DLG5: variants seen among roughly 807,000 people sequenced by gnomAD.
DLG5 encodes the protein discs large MAGUK scaffold protein 5.
A neutral mutation model predicts 189.8 loss-of-function variants in DLG5; 48 were observed. The ratio of observed to expected loss-of-function variants is 0.25; its 90% CI spans 0.20 to 0.32. The LOEUF is 0.32. Among genes scored for constraint, DLG5 ranks in the 10% least tolerant of loss-of-function variants. The pLI, the probability that DLG5 is intolerant of heterozygous loss-of-function variation, is 1.00. For missense variants in DLG5, 2,160 were observed against 2,544.7 expected (o/e 0.85, Z 3.25); for synonymous variants, 1,016 against 1,054.1 (o/e 0.96, Z 0.70).
chr10:77,926,257 C>G lies in DLG5; in HGVS notation c.264G>C (p.Leu88=). 3 of 1,558,248 alleles carry G rather than the reference C, an allele frequency of 1.9e-6. No individual in the cohort carries two copies. The highest frequency in any genetic ancestry group is 1.2e-5 in the South Asian group (1 of 83,648). ...TQPHLLPILY[L]NGVVGPPQPA... ...GCTGCGGCGGCCCGACGACGCCGTT[C>G]AGGTAGAGAATGGGCAGCAGGTGAG... The change falls in exon 1 of 32, where the codon CTG becomes CTC. Residue 88 remains leucine (L), a synonymous_variant. Transcript: ENST00000372391. The surrounding 1 kb of genome is among the most constrained non-coding windows in gnomAD (Gnocchi z 5.2).
chr10:77,864,228 T>A (rs574457146), intron 2 of DLG5, among the ~76,000 whole-genome samples: 3 of 152,304 alleles, frequency 2.0e-5, no homozygotes, highest in East Asian at 1.9e-4. Flanking sequence ...TGGAGGCGCA[T>A]CCTTGGTCTT....
chr10:77,894,358 C>G (rs1845696575), intron 1 of DLG5, among the ~76,000 whole-genome samples: 1 of 152,102 alleles, frequency 6.6e-6, no homozygotes, highest in Non-Finnish European at 1.5e-5. Context: ...ACCCACCTCC[C>G]AGGATTTTTG....
intron 1 of DLG5, among the ~76,000 whole-genome samples, chr10:77,902,084 T>C (rs552847844): frequency 2.6e-5 from 4 of 152,282 alleles, no homozygotes; most frequent in South Asian, 4.1e-4. Context: ...AGCTCTCCCT[T>C]AGAGGGAACA....
chr10:77,805,753 T>A lies in DLG5; in HGVS notation c.5076A>T (p.Lys1692Asn). The A allele has an allele frequency of 6.2e-7, 1 of 1,614,118 alleles. No individual in the cohort carries two copies. Among genetic ancestry groups the A allele is most frequent in the Middle Eastern group, 1.6e-4 (1 of 6,062 alleles). Reference protein sequence around the residue: ...AAARRSFFRRKHKHKRSGSKD... With the variant: ...AAARRSFFRRNHKHKRSGSKD... The stretch of plus-strand genomic sequence containing the variant: ...TGGACCCGCTGCGTTTGTGCTTGTG[T>A]TTCCTCCGAAAAAAGGACCGGCGTG... The change falls in exon 27 of 32, where the codon AAA (lysine) becomes AAT (asparagine). Residue 1692 changes from lysine (K) to asparagine (N), a missense_variant. This residue lies in a region of DLG5 where 574 missense variants were observed against 644.2 expected (regional missense o/e 0.89). Coordinates refer to ENST00000372391, the MANE Select transcript of DLG5 (RefSeq NM_004747.4).
At chr10:77,869,559 G>T in intron 1 of DLG5, 1 of 294,804 alleles carries the variant, frequency 3.4e-6, no homozygotes, top group Non-Finnish European at 6.4e-6. Context: ...ATATGATTCT[G>T]GCTTCCATGC....
intron 2 of DLG5, among the ~76,000 whole-genome samples, chr10:77,859,402 A>G (rs1460936862): frequency 6.6e-6 from 1 of 152,174 alleles, no homozygotes; most frequent in African/African-American, 2.4e-5. Flanking sequence ...TCACTCACTG[A>G]CTTACCCAGA....
intron 20 of DLG5, among the ~76,000 whole-genome samples, chr10:77,814,465 A>T (rs1257255985): frequency 1.3e-4 from 5 of 39,020 alleles, no homozygotes; most frequent in South Asian, 7.7e-4. Context: ...GCATGTTTAT[A>T]TATATATATA....
chr10:77,901,352 A>G (rs1458812916), intron 1 of DLG5, among the ~76,000 whole-genome samples: 1 of 152,208 alleles, frequency 6.6e-6, no homozygotes, highest in Non-Finnish European at 1.5e-5. Context: ...CCGTCAGAGC[A>G]GACTTGACCT....
intron 1 of DLG5, among the ~76,000 whole-genome samples, chr10:77,913,892 G>T (rs976444312): frequency 7.2e-5 from 11 of 152,070 alleles, no homozygotes; most frequent in Non-Finnish European, 1.3e-4. Flanking sequence ...CCTGGCTCTT[G>T]AAAGTCTTTA....
At chr10:77,830,695 C>T in intron 10 of DLG5, 46 bp downstream of exon 10, 1 of 1,605,452 alleles carries the variant, frequency 6.2e-7, no homozygotes, top group Non-Finnish European at 8.5e-7. Context: ...CCGTCTCCTC[C>T]TTCATCCATC....
chr10:77,798,440 C>T (rs959955253), intron 27 of DLG5, among the ~76,000 whole-genome samples: 2 of 152,162 alleles, frequency 1.3e-5, no homozygotes, highest in Admixed American at 6.5e-5. Flanking sequence ...CTGAACCTCA[C>T]GGATAAGGCC....
At chr10:77,903,862 T>A (rs750521054) in intron 1 of DLG5, among the ~76,000 whole-genome samples, 20 of 152,190 alleles carry the variant, frequency 1.3e-4, no homozygotes, top group Non-Finnish European at 2.1e-4. Context: ...TGGAGCCCAC[T>A]TCAATTAGTG....
intron 2 of DLG5, among the ~76,000 whole-genome samples, chr10:77,857,650 C>G (rs1844300121): frequency 6.6e-6 from 1 of 152,224 alleles, no homozygotes; most frequent in Non-Finnish European, 1.5e-5. Context: ...AGGCAACAGC[C>G]ACCGCTGCCA....
intron 1 of DLG5, among the ~76,000 whole-genome samples, chr10:77,879,542 G>T (rs369184415): frequency 6.6e-6 from 1 of 151,846 alleles, no homozygotes; most frequent in Non-Finnish European, 1.5e-5. Context: ...CAGCAAACTC[G>T]CAAGTCCAGG....
At chr10:77,894,572 TAGG>T (rs1845704789) in intron 1 of DLG5, among the ~76,000 whole-genome samples, 1 of 88,194 alleles carries the variant, frequency 1.1e-5, no homozygotes, top group Non-Finnish European at 2.2e-5. Context: ...TTTGATGGGG[TAGG>T]AAGAACAGCT....
In DLG5 at chr10:77,856,945, C is replaced by T. The variant is rs180992703; in HGVS notation, c.374-53G>A. Reference sequence around the variant, plus strand: ...TTGTGTTCATCTGGCATTCACGAGGCGCCCGGTGCTGTCCTGAGCTGTTGG... The same window carrying T: ...TTGTGTTCATCTGGCATTCACGAGGTGCCCGGTGCTGTCCTGAGCTGTTGG... On this transcript the variant is annotated intron_variant, in intron 2 of 31. Transcript: ENST00000372391. 212 of 1,552,546 alleles carry T rather than the reference C, an allele frequency of 1.4e-4. 2 individuals carry two copies. The African/African-American group carries it at 2.4e-3, about 18-fold the overall frequency.
chr10:77,889,710 G>GT (rs1485972469), intron 1 of DLG5, among the ~76,000 whole-genome samples: 1 of 152,170 alleles, frequency 6.6e-6, no homozygotes, highest in East Asian at 1.9e-4. Context: ...ATCTGCCTCC[G>GT]TATCTTTATG....
chr10:77,848,573 C>T (rs1284304130), intron 5 of DLG5, among the ~76,000 whole-genome samples: 1 of 151,648 alleles, frequency 6.6e-6, no homozygotes, highest in African/African-American at 2.4e-5. Context: ...TGGTTTGTAA[C>T]ATGGGAAGAT....
chr10:77,932,132 A>G, the DLG5 span, among the ~76,000 whole-genome samples: 510 of 152,356 alleles, frequency 3.3e-3, 2 homozygotes, highest in South Asian at 0.018. Flanking sequence ...TAATAGTATC[A>G]AAGTAGCTAG....
Sources: allele counts gnomAD v4.1 joint callset (sites outside exome capture counted in the v4.1 genomes callset), GRCh38; gene constraint gnomAD v4.1.1; regional missense constraint gnomAD v4.1.1; non-coding constraint Gnocchi (gnomAD v3.1); transcripts MANE v1.5; gene names NCBI Gene and HGNC (gene_info 2026-07-23, HGNC 2026-07-21).